Variants in PTPN13 observed in about 807,000 individuals in gnomAD.
The protein encoded by PTPN13 is tyrosine-protein phosphatase non-receptor type 13.
A neutral mutation model predicts 284.0 loss-of-function variants in PTPN13; 191 were observed. The ratio of observed to expected loss-of-function variants is 0.67; its 90% CI spans 0.60 to 0.76. The LOEUF (loss-of-function observed/expected upper bound fraction) is 0.76, where lower values mean the gene tolerates loss of function less well. Among genes scored for constraint, PTPN13 ranks in the 30% least tolerant of loss-of-function variants. The probability of loss-of-function intolerance (pLI) is 0.00; values close to 1 mark genes in which losing one functional copy is unlikely to be tolerated. For missense variants in PTPN13, 2,797 were observed against 2,939.9 expected (o/e 0.95, Z 1.12); for synonymous variants, 986 against 1,022.3 (o/e 0.96, Z 0.68).
intron 7 of PTPN13, among the ~76,000 whole-genome samples, chr4:86,709,113 G>A (rs1249237377): frequency 4.0e-5 from 6 of 151,842 alleles, no homozygotes; most frequent in South Asian, 2.1e-4. Context: ...GGATGGATGC[G>A]TGGATAGATA....
chr4:86,686,595 T>G (rs1439619375), intron 3 of PTPN13, 115 bp from the exon 4 acceptor site: 2 of 698,308 alleles, frequency 2.9e-6, no homozygotes, highest in East Asian at 5.8e-5. Flanking sequence ...AATGATGATT[T>G]TCTCAAATTG....
chr4:86,745,710 A>C (rs999826035), intron 17 of PTPN13, among the ~76,000 whole-genome samples: 1 of 152,008 alleles, frequency 6.6e-6, no homozygotes, highest in Non-Finnish European at 1.5e-5. Context: ...TGGGAGGCGG[A>C]GGTTGCAGTG....
chr4:86,784,975 G>GC (rs1741734317), intron 38 of PTPN13, among the ~76,000 whole-genome samples: 1 of 151,990 alleles, frequency 6.6e-6, no homozygotes, highest in Admixed American at 6.6e-5. Flanking sequence ...CTTGTGAAAA[G>GC]CCGTATCACC....
intron 2 of PTPN13, among the ~76,000 whole-genome samples, chr4:86,642,370 C>G (rs1181697802): frequency 6.7e-6 from 1 of 149,534 alleles, no homozygotes; most frequent in Non-Finnish European, 1.5e-5. Flanking sequence ...GGAAATTTTA[C>G]TAAGAATCTT....
chr4:86,809,135 C>G (rs1286975102), intron 45 of PTPN13, among the ~76,000 whole-genome samples: 1 of 152,034 alleles, frequency 6.6e-6, no homozygotes, highest in Non-Finnish European at 1.5e-5. Flanking sequence ...TAAGAGGAAA[C>G]AGGGCCAGAT....
chr4:86,688,887 C>A, intron 4 of PTPN13, 118 bp from the exon 5 acceptor site: 1 of 680,594 alleles, frequency 1.5e-6, no homozygotes, highest in Non-Finnish European at 2.3e-6. Flanking sequence ...GAATTTATTT[C>A]CTCCAAGTAT....
intron 40 of PTPN13, among the ~76,000 whole-genome samples, chr4:86,791,340 C>T (rs1357941152): frequency 3.3e-5 from 5 of 152,146 alleles, no homozygotes; most frequent in South Asian, 2.1e-4. Flanking sequence ...GTAAACAAAG[C>T]GGCCGGGAAG....
intron 7 of PTPN13, among the ~76,000 whole-genome samples, chr4:86,714,346 CT>C (rs879496997): frequency 2.0e-5 from 3 of 152,098 alleles, no homozygotes; most frequent in Non-Finnish European, 4.4e-5. Flanking sequence ...TGTTAGTTAC[CT>C]CTTTTAAGAA....
At position 86,734,821 on chromosome 4, in the gene PTPN13, C is replaced by A; in HGVS notation, c.2097C>A (p.Ser699=). 1 of 1,613,362 alleles carries A rather than the reference C, an allele frequency of 6.2e-7. No individual in the cohort carries two copies. The highest frequency in any genetic ancestry group is 8.5e-7 in the Non-Finnish European group (1 of 1,179,486). The change falls in exon 14 of 48, where the codon TCC becomes TCA. Residue 699 remains serine, a synonymous_variant. Coordinates refer to ENST00000411767, the MANE Select transcript of PTPN13 (RefSeq NM_080683.3). The part of the protein sequence containing the change: ...EERMHCDDET[S]LLLASLALQA... The stretch of plus-strand genomic sequence containing the variant: ...GGATGCACTGTGATGATGAGACTTC[C>A]TTATTGCTGGCATCCTTGGCTCTCC...
intron 2 of PTPN13, among the ~76,000 whole-genome samples, chr4:86,657,504 G>A (rs1426855819): frequency 3.9e-5 from 6 of 152,132 alleles, no homozygotes; most frequent in African/African-American, 1.4e-4. Context: ...ACCTCTCTCT[G>A]TACTAGGCTG....
chr4:86,610,336 A>G (rs1386980198), intron 1 of PTPN13, among the ~76,000 whole-genome samples: 1 of 152,266 alleles, frequency 6.6e-6, no homozygotes, highest in Admixed American at 6.5e-5. Context: ...CTTTCAAAGT[A>G]TCTTTCTAGG....
chr4:86,776,136 G>A (rs1740608108), intron 35 of PTPN13, among the ~76,000 whole-genome samples: 1 of 152,104 alleles, frequency 6.6e-6, no homozygotes, highest in African/African-American at 2.4e-5. Context: ...AATAGAGACG[G>A]GGTTTCACCA....
intron 3 of PTPN13, among the ~76,000 whole-genome samples, chr4:86,674,411 A>G (rs1728051004): frequency 6.6e-6 from 1 of 152,244 alleles, no homozygotes. Flanking sequence ...TGCCATCTAA[A>G]GGAATTCTAA....
chr4:86,745,201 C>A, intron 17 of PTPN13, 73 bp downstream of exon 17: 1 of 1,385,752 alleles, frequency 7.2e-7, no homozygotes. Flanking sequence ...TTTAAAAGAA[C>A]TGCCATGATT....
At chr4:86,735,499 A>G (rs1389657382) in intron 14 of PTPN13, 95 bp from the exon 15 acceptor site, 1 of 1,321,420 alleles carries the variant, frequency 7.6e-7, no homozygotes, top group Admixed American at 2.5e-5. Flanking sequence ...GAAGTACTTC[A>G]TCTCTTAGCC....
chr4:86,699,697 A>G (rs909161036), intron 6 of PTPN13, among the ~76,000 whole-genome samples: 2 of 152,218 alleles, frequency 1.3e-5, no homozygotes, highest in Admixed American at 6.5e-5. Flanking sequence ...GTAGCAGGAT[A>G]AGGCAGATGG....
At position 86,768,247 on chromosome 4, in the gene PTPN13, G is replaced by C. The variant is rs571252816; in HGVS notation, c.4489+271G>C. On this transcript the variant is annotated intron_variant, in intron 28 of 47. Coordinates refer to ENST00000411767, the MANE Select transcript of PTPN13 (RefSeq NM_080683.3). ...GTTGTAAAATTCAAAATAGAATTTGGTAAGTGAAAAAATAAAGAAAAACAA... is the reference window on the plus strand; with the variant it reads ...GTTGTAAAATTCAAAATAGAATTTGCTAAGTGAAAAAATAAAGAAAAACAA... 1.9e-3 allele frequency among the ~76,000 whole-genome samples: 295 copies of C among 152,228 alleles called. 1 individual carries two copies. Among genetic ancestry groups the C allele is most frequent in the African/African-American group, 6.9e-3 (285 of 41,536 alleles).
At chr4:86,649,334 T>C (rs1371534682) in intron 2 of PTPN13, among the ~76,000 whole-genome samples, 1 of 152,198 alleles carries the variant, frequency 6.6e-6, no homozygotes, top group Non-Finnish European at 1.5e-5. Context: ...TCCCCAATGT[T>C]TTTTCCTAGT....
At chr4:86,600,580 G>A (rs1764219940) in intron 1 of PTPN13, among the ~76,000 whole-genome samples, 1 of 151,358 alleles carries the variant, frequency 6.6e-6, no homozygotes, top group Admixed American at 6.6e-5. Context: ...CCACTTAGTT[G>A]TAATAGAGTC....
Sources: gnomAD v4.1 joint callset for allele counts (sites outside exome capture counted in the v4.1 genomes callset) on GRCh38, gnomAD v4.1.1 for gene constraint, MANE v1.5 for transcripts, NCBI Gene and HGNC (gene_info 2026-07-23, HGNC 2026-07-21) for gene names.